The following ACOXL variants were observed in gnomAD, a reference collection of about 807,000 sequenced individuals.
ACOXL encodes the protein acyl-coenzyme A oxidase-like protein.
Under a neutral mutation model 71.9 loss-of-function variants are expected in ACOXL, and 70 were observed. That is an observed-to-expected ratio of 0.97 (90% confidence interval 0.80 to 1.19). The LOEUF is 1.19. ACOXL is among the 50% of genes most tolerant of loss of function. The pLI, the probability that ACOXL is intolerant of heterozygous loss-of-function variation, is 0.00. For missense variants in ACOXL, 703 were observed against 736.3 expected (o/e 0.95, Z 0.52); for synonymous variants, 253 against 281.6 (o/e 0.90, Z 1.02).
At chr2:111,041,248 C>A (rs1324803880) in intron 15 of ACOXL, among the ~76,000 whole-genome samples, 1 of 152,154 alleles carries the variant, frequency 6.6e-6, no homozygotes, top group Non-Finnish European at 1.5e-5. Flanking sequence ...CATCCAGGTC[C>A]TGAGCCTGAG....
intron 15 of ACOXL, among the ~76,000 whole-genome samples, chr2:111,048,562 G>A (rs1001516096): frequency 2.0e-5 from 3 of 152,088 alleles, no homozygotes; most frequent in Non-Finnish European, 4.4e-5. Flanking sequence ...TGAGAACCTG[G>A]CCATAAATAT....
intron 12 of ACOXL, chr2:110,968,074 C>G: frequency 8.2e-7 from 1 of 1,218,692 alleles, no homozygotes; most frequent in Non-Finnish European, 1.2e-6. Flanking sequence ...AGCATACGCA[C>G]ACGAACTGCC....
At chr2:111,114,863 T>G (rs1434622311) in intron 17 of ACOXL, among the ~76,000 whole-genome samples, 8 of 151,728 alleles carry the variant, frequency 5.3e-5, no homozygotes, top group Non-Finnish European at 8.8e-5. Context: ...GATGTTACAA[T>G]TTTTCCCTCA....
At position 110,744,680 on chromosome 2, in the gene ACOXL, G is replaced by A. The variant is rs113163347; in HGVS notation, c.-23+11906G>A. On this transcript the variant is annotated intron_variant, in intron 1 of 17. Transcript: ENST00000439055. ...AGGAAGCCATTCAGGCATAGCCACC[G>A]TCTGGCCACAGGAGTTGGTTCAGAA... 7.9e-3 allele frequency among the ~76,000 whole-genome samples: 1,205 copies of A among 152,298 alleles called. 18 individuals carry two copies. Among genetic ancestry groups the A allele is most frequent in the African/African-American group, 0.028 (1,155 of 41,558 alleles).
chr2:110,843,693 G>C (rs1691457395), intron 10 of ACOXL, among the ~76,000 whole-genome samples: 1 of 152,190 alleles, frequency 6.6e-6, no homozygotes, highest in South Asian at 2.1e-4. Flanking sequence ...CAGCCCCCAC[G>C]TTCTGTGCTC....
At chr2:110,988,539 C>T (rs976893063) in intron 13 of ACOXL, among the ~76,000 whole-genome samples, 8 of 151,980 alleles carry the variant, frequency 5.3e-5, no homozygotes, top group Non-Finnish European at 1.2e-4. Context: ...TATATATTAC[C>T]TAGGAATGGA....
At chr2:110,761,634 C>T (rs1296655603) in intron 1 of ACOXL, among the ~76,000 whole-genome samples, 1 of 152,206 alleles carries the variant, frequency 6.6e-6, no homozygotes, top group Non-Finnish European at 1.5e-5. Flanking sequence ...TGATGCCTGC[C>T]ATCCTACTGT....
intron 11 of ACOXL, among the ~76,000 whole-genome samples, chr2:110,922,386 G>GT (rs1246580568): frequency 2.6e-5 from 4 of 152,166 alleles, no homozygotes; most frequent in South Asian, 4.1e-4. Context: ...AAGGAAAACA[G>GT]TTTTTTTCTT....
At position 110,818,451 on chromosome 2, in the gene ACOXL, G is replaced by A. The variant is rs186105933; in HGVS notation, c.753+13056G>A. ...TGTGTGTGTGTGTGTGTGTGTGTGT[G>A]TATATATATATATATGTATATGTGT... On this transcript the variant is annotated intron_variant, in intron 9 of 17. Coordinates refer to ENST00000439055, the MANE Select transcript of ACOXL (RefSeq NM_001142807.4). Among the ~76,000 whole-genome samples, 388 of 135,784 alleles carry A rather than the reference G, an allele frequency of 2.9e-3. 7 individuals are homozygous for A. The East Asian group carries it at 0.032, about 11-fold the overall frequency. The allele number at this position is 135,784 out of a possible 152,430, so 89.1% of individuals were successfully genotyped here.
chr2:110,952,704 T>C (rs2061372892), intron 12 of ACOXL, among the ~76,000 whole-genome samples: 1 of 152,164 alleles, frequency 6.6e-6, no homozygotes, highest in African/African-American at 2.4e-5. Flanking sequence ...TGCTTCAGCC[T>C]CCCAAAATGT....
chr2:111,029,006 C>A (rs1329703504), intron 14 of ACOXL, among the ~76,000 whole-genome samples: 2 of 152,186 alleles, frequency 1.3e-5, no homozygotes, highest in Non-Finnish European at 1.5e-5. Flanking sequence ...CAACCTTGTC[C>A]AAGTTACTGA....
intron 10 of ACOXL, among the ~76,000 whole-genome samples, chr2:110,862,712 C>T (rs1456733668): frequency 3.3e-5 from 5 of 152,194 alleles, no homozygotes; most frequent in Admixed American, 1.3e-4. Context: ...GCGAATCACC[C>T]CCTGGACACT....
chr2:111,066,112 A>C (rs1380892065), intron 16 of ACOXL, among the ~76,000 whole-genome samples: 2 of 152,256 alleles, frequency 1.3e-5, no homozygotes, highest in Admixed American at 1.3e-4. Flanking sequence ...AATAACAAAA[A>C]ATCTGGAAAC....
At chr2:111,019,631 T>C (rs1157339266) in intron 14 of ACOXL, among the ~76,000 whole-genome samples, 2 of 152,182 alleles carry the variant, frequency 1.3e-5, no homozygotes, top group Admixed American at 6.5e-5. Context: ...CTCCTGGAAC[T>C]CGTGTGTGTG....
chr2:110,756,764 A>G (rs1227720184), intron 1 of ACOXL, among the ~76,000 whole-genome samples: 1 of 151,850 alleles, frequency 6.6e-6, no homozygotes, highest in Non-Finnish European at 1.5e-5. Context: ...ATATATACTT[A>G]CTTCTGTTTC....
chr2:111,032,625 G>A (rs1307175496), intron 15 of ACOXL, among the ~76,000 whole-genome samples: 1 of 152,122 alleles, frequency 6.6e-6, no homozygotes, highest in Non-Finnish European at 1.5e-5. Context: ...ATCACACTGG[G>A]TCACTGCTGG....
chr2:110,984,779 G>A (rs1457580474), intron 12 of ACOXL, among the ~76,000 whole-genome samples: 5 of 152,232 alleles, frequency 3.3e-5, no homozygotes, highest in Non-Finnish European at 7.3e-5. Context: ...CGTATTGGAT[G>A]AGATAGGGAG....
intron 9 of ACOXL, among the ~76,000 whole-genome samples, chr2:110,814,761 A>G (rs1282678367): frequency 1.3e-5 from 2 of 152,226 alleles, no homozygotes; most frequent in African/African-American, 2.4e-5. Flanking sequence ...TATCTTTACA[A>G]TTTGAACAAC....
At chr2:110,988,857 T>TTGTGTGTGTGTGTGTG (rs70958753) in intron 13 of ACOXL, among the ~76,000 whole-genome samples, 71 of 143,484 alleles carry the variant, frequency 4.9e-4, no homozygotes, top group South Asian at 3.9e-3. Flanking sequence ...CCTATTTTTA[T>TTGTGTGTGTGTGTGTG]TGTGTGTGTG....
Sources: allele counts gnomAD v4.1 joint callset (sites outside exome capture counted in the v4.1 genomes callset), GRCh38; gene constraint gnomAD v4.1.1; transcripts MANE v1.5; gene names NCBI Gene and HGNC (gene_info 2026-07-23, HGNC 2026-07-21).